GSDMA: variants seen among roughly 807,000 people sequenced by gnomAD.
GSDMA encodes gasdermin-A.
In GSDMA, 55 loss-of-function variants were observed where a neutral mutation model predicts 54.3. That is an observed-to-expected ratio of 1.01 (90% CI 0.82 to 1.27). The LOEUF (loss-of-function observed/expected upper bound fraction) is 1.27. Among genes scored for constraint, GSDMA ranks in the 50% most tolerant of loss-of-function variants. The probability of loss-of-function intolerance (pLI) is 0.00; values close to 1 mark genes in which losing one functional copy is unlikely to be tolerated. For synonymous variants in GSDMA, 211 were observed against 224.7 expected, an observed-to-expected ratio of 0.94 and a Z score of 0.54; for missense variants, 542 against 542.6, an observed-to-expected ratio of 1.00 and a Z score of 0.01.
At position 39,977,041 on chromosome 17, in the gene GSDMA, C is replaced by T; in HGVS notation, c.1321C>T (p.Leu441Phe). The change falls in exon 12 of 12, where the codon CTT becomes TTT. Residue 441 changes from leucine (L) to phenylalanine (F), a missense_variant. Leu to Phe is a conservative substitution (Grantham distance 22). Transcript: ENST00000301659. Reference sequence around the variant, plus strand: ...TGCAGGCCTCTCTCTCCTTCAGCAGCTTACCAAGGCCTCCTAATTTGCCTT... The same window carrying T: ...TGCAGGCCTCTCTCTCCTTCAGCAGTTTACCAAGGCCTCCTAATTTGCCTT... Reference protein sequence around the residue: ...LYAGLSLLQQLTKAS With the variant: ...LYAGLSLLQQFTKAS The T allele has an allele frequency of 4.3e-6, 7 of 1,613,880 alleles. No individual in the cohort carries two copies. Among genetic ancestry groups the T allele is most frequent in the African/African-American group, 1.3e-5 (1 of 74,986 alleles).
chr17:39,966,548 A>G, intron 3 of GSDMA, 111 bp downstream of exon 3: 1 of 987,592 alleles, frequency 1.0e-6, no homozygotes, highest in Non-Finnish European at 1.5e-6. Flanking sequence ...ACCTTTGCCA[A>G]TGTGGTCATG....
intron 3 of GSDMA, 28 bp from the exon 4 acceptor site, chr17:39,970,454 C>A: frequency 6.5e-7 from 1 of 1,537,170 alleles, no homozygotes. Context: ...GAGCTCTGAA[C>A]GGTTCCCTTA....
At chr17:39,973,877 C>T in intron 8 of GSDMA, 47 bp downstream of exon 8, 1 of 1,554,126 alleles carries the variant, frequency 6.4e-7, no homozygotes, top group Non-Finnish European at 8.9e-7. Flanking sequence ...ATGGAGGTAG[C>T]ATTAGGGGCA....
intron 8 of GSDMA, 135 bp downstream of exon 8, chr17:39,973,965 G>C: frequency 1.1e-6 from 1 of 892,784 alleles, no homozygotes; most frequent in Non-Finnish European, 1.8e-6. Flanking sequence ...TCCACTTTTT[G>C]CTGGAGTCTC....
At chr17:39,965,967 AAG>A (rs1979641187) in intron 2 of GSDMA, 66 bp downstream of exon 2, 2 of 1,426,296 alleles carry the variant, frequency 1.4e-6, no homozygotes, top group Non-Finnish European at 1.9e-6. Flanking sequence ...CCTGGCCTGC[AAG>A]GAGGACCTCA....
At chr17:39,975,823 C>T (rs1864867557) in intron 10 of GSDMA, 101 bp from the exon 11 acceptor site, 1 of 855,300 alleles carries the variant, frequency 1.2e-6, no homozygotes. Context: ...GTTGTAATTA[C>T]ATCCAATGAA....
intron 11 of GSDMA, among the ~76,000 whole-genome samples, chr17:39,976,275 AATT>A (rs1228962970): frequency 2.3e-5 from 2 of 88,874 alleles, no homozygotes; most frequent in East Asian, 3.2e-4. Flanking sequence ...ATTGTAAGCA[AATT>A]TTTTTTTTTT....
At chr17:39,976,519 C>A (rs1980206463) in intron 11 of GSDMA, among the ~76,000 whole-genome samples, 1 of 152,114 alleles carries the variant, frequency 6.6e-6, no homozygotes, top group South Asian at 2.1e-4. Flanking sequence ...CTCAGGTGAT[C>A]TGCCCACCTC....
chr17:39,974,035 T>C (rs1431062954), intron 8 of GSDMA, among the ~76,000 whole-genome samples: 3 of 152,182 alleles, frequency 2.0e-5, no homozygotes, highest in African/African-American at 7.2e-5. Context: ...GAAGATTAAC[T>C]GTTGGGTTAG....
At chr17:39,966,528 C>T (rs972681748) in intron 3 of GSDMA, 91 bp downstream of exon 3, 1 of 1,175,592 alleles carries the variant, frequency 8.5e-7, no homozygotes, top group African/African-American at 1.6e-5. Context: ...AAGGTAGGAC[C>T]CTTGCACTGA....
At chr17:39,968,339 C>CTTGTTTTTTTTTTTTTTT (rs1979766650) in intron 3 of GSDMA, among the ~76,000 whole-genome samples, 1 of 41,362 alleles carries the variant, frequency 2.4e-5, no homozygotes, top group African/African-American at 1.6e-4. Context: ...TGAGCCCGGT[C>CTTGTTTTTTTTTTTTTTT]TTTTTTTTTT....
In GSDMA at chr17:39,970,638, G is replaced by A; in HGVS notation, c.549G>A (p.Leu183=). The change falls in exon 4 of 12, where the codon TTG becomes TTA. Residue 183 remains leucine, a synonymous_variant. Transcript: ENST00000301659. ...TCTCCCTCCCCTTCTTCGCCCCATT[G>A]GGGCTACAGGTTTGATTCAAACACA... ...ACFSLPFFAP[L]GLQGSINHKE... 6.5e-7 allele frequency: 1 copy of A among 1,534,392 alleles called. No individual in the cohort carries two copies. Among genetic ancestry groups the A allele is most frequent in the South Asian group, 1.2e-5 (1 of 80,596 alleles).
chr17:39,974,208 G>T (rs368736227), intron 8 of GSDMA, 65 bp from the exon 9 acceptor site: 22 of 1,497,368 alleles, frequency 1.5e-5, no homozygotes, highest in East Asian at 4.7e-5. Context: ...GCCCTGCAGG[G>T]GGAATGCTGA....
At chr17:39,964,311 G>A (rs1979537362) in intron 1 of GSDMA, among the ~76,000 whole-genome samples, 1 of 152,172 alleles carries the variant, frequency 6.6e-6, no homozygotes, top group Non-Finnish European at 1.5e-5. Flanking sequence ...GCTCACACCT[G>A]TAATCACAGT....
chr17:39,977,387 G>A lies in GSDMA; in HGVS notation c.*329G>A, dbSNP rs1228029521. On this transcript the variant is annotated 3_prime_UTR_variant, in exon 12 of 12. Transcript: ENST00000301659. ...GCTCACTGCAACCTCCGCCTCCCAGGTTCAAGCAATTCTCCTGCCTCAGCC... is the reference window on the plus strand; with the variant it reads ...GCTCACTGCAACCTCCGCCTCCCAGATTCAAGCAATTCTCCTGCCTCAGCC... The A allele has an allele frequency of 1.0e-5, 2 of 194,420 alleles. No individual in the cohort carries two copies. Among genetic ancestry groups the A allele is most frequent in the African/African-American group, 2.4e-5 (1 of 41,034 alleles). 12.0% of individuals were successfully genotyped at this position (194,420 alleles called of 1,614,324 possible). A position where few individuals can be genotyped will look rare whatever the true frequency, so the allele number is the denominator to read the frequency against.
At chr17:39,967,759 G>A (rs1286317848) in intron 3 of GSDMA, among the ~76,000 whole-genome samples, 1 of 152,092 alleles carries the variant, frequency 6.6e-6, no homozygotes, top group Non-Finnish European at 1.5e-5. Context: ...CGCAACCTCC[G>A]CCTCCCAGGT....
intron 1 of GSDMA, among the ~76,000 whole-genome samples, chr17:39,964,806 G>A (rs1979561406): frequency 6.6e-6 from 1 of 151,940 alleles, no homozygotes; most frequent in South Asian, 2.1e-4. Context: ...TCTCTGGTGT[G>A]AGAGAAAGCT....
At position 39,968,371 on chromosome 17, in the gene GSDMA, G is replaced by A. The variant is rs190501419; in HGVS notation, c.392+1934G>A. 9.2e-3 allele frequency among the ~76,000 whole-genome samples: 512 copies of A among 55,796 alleles called. 4 individuals are homozygous for A. Among genetic ancestry groups the A allele is most frequent in the Middle Eastern group, 0.014 (1 of 70 alleles). 36.6% of individuals were successfully genotyped at this position (55,796 alleles called of 152,430 possible). On this transcript the variant is annotated intron_variant, in intron 3 of 11. Coordinates refer to ENST00000301659, the MANE Select transcript of GSDMA (RefSeq NM_178171.5). ...TTTTTTTTTTTTTTTTTTTTGAGAC[G>A]GAGTCTCTCTCTGTTGCACAGGCTG...
At chr17:39,974,212 A>G in intron 8 of GSDMA, 61 bp from the exon 9 acceptor site, 1 of 1,511,188 alleles carries the variant, frequency 6.6e-7, no homozygotes, top group Non-Finnish European at 8.9e-7. Context: ...TGCAGGGGGA[A>G]TGCTGACTGG....
Sources: gnomAD v4.1 joint callset for allele counts (sites outside exome capture counted in the v4.1 genomes callset) on GRCh38, gnomAD v4.1.1 for gene constraint, MANE v1.5 for transcripts, NCBI Gene and HGNC (gene_info 2026-07-23, HGNC 2026-07-21) for gene names.